Variants in LVRN observed in about 807,000 individuals in gnomAD.
LVRN encodes the protein aminopeptidase Q.
Under a neutral mutation model 111.4 loss-of-function variants are expected in LVRN, and 99 were observed. The ratio of observed to expected loss-of-function variants is 0.89; its 90% CI spans 0.76 to 1.05. LVRN has a LOEUF of 1.05. LVRN is among the 50% of genes least tolerant of loss of function. The probability of loss-of-function intolerance (pLI) is 0.00; values close to 1 mark genes in which losing one functional copy is unlikely to be tolerated. For missense variants in LVRN, 1,414 were observed against 1,206.8 expected, an observed-to-expected ratio of 1.17 and a Z score of -2.54; for synonymous variants, 488 against 449.5, an observed-to-expected ratio of 1.09 and a Z score of -1.08.
intron 19 of LVRN, among the ~76,000 whole-genome samples, chr5:116,023,102 C>G (rs1392172960): frequency 6.6e-6 from 1 of 152,170 alleles, no homozygotes; most frequent in Non-Finnish European, 1.5e-5. Flanking sequence ...GATCCTGCTC[C>G]TATTACCTAT....
intron 5 of LVRN, among the ~76,000 whole-genome samples, chr5:115,992,731 G>A (rs949648797): frequency 1.3e-5 from 2 of 152,180 alleles, no homozygotes; most frequent in African/African-American, 4.8e-5. Flanking sequence ...TAGCAAGGTG[G>A]CAATAATTAA....
intron 1 of LVRN, among the ~76,000 whole-genome samples, chr5:115,980,857 C>G (rs1295093016): frequency 6.6e-6 from 1 of 152,050 alleles, no homozygotes; most frequent in African/African-American, 2.4e-5. Flanking sequence ...CATGCATGAA[C>G]CTGGAAGGGG....
chr5:115,967,786 G>A (rs1486920956), intron 1 of LVRN, among the ~76,000 whole-genome samples: 1 of 152,036 alleles, frequency 6.6e-6, no homozygotes, highest in Non-Finnish European at 1.5e-5. Flanking sequence ...ATCATTTTTA[G>A]CATACAAATC....
At chr5:115,978,808 T>C (rs1753503323) in intron 1 of LVRN, among the ~76,000 whole-genome samples, 1 of 151,980 alleles carries the variant, frequency 6.6e-6, no homozygotes, top group Non-Finnish European at 1.5e-5. Context: ...TCCACGGGAG[T>C]CCATGGGGCT....
At chr5:115,964,436 T>G (rs1753159645) in intron 1 of LVRN, among the ~76,000 whole-genome samples, 1 of 152,238 alleles carries the variant, frequency 6.6e-6, no homozygotes. Context: ...GTGCTTGGTT[T>G]TTCTTTAAAA....
chr5:116,014,615 T>C lies in LVRN; in HGVS notation c.2450+88T>C, dbSNP rs142924721. 5.6e-6 allele frequency: 6 copies of C among 1,072,748 alleles called. No individual in the cohort carries two copies. In the African/African-American group the frequency reaches 8.0e-5, roughly 14 times the overall value. 66.5% of individuals were successfully genotyped at this position (1,072,748 alleles called of 1,614,324 possible). A position where few individuals can be genotyped will look rare whatever the true frequency, so the allele number is the denominator to read the frequency against. On this transcript the variant is annotated intron_variant, in intron 16 of 19. Coordinates refer to ENST00000357872, the MANE Select transcript of LVRN (RefSeq NM_173800.5). ...TTGATGTACTCACTGTGGGAATGAG[T>C]GTTTTGCTTTCACTTGGTTAGGCGC...
At position 115,968,310 on chromosome 5, in the gene LVRN, A is replaced by C. The variant is rs145927244; in HGVS notation, c.695+4998A>C. Among the ~76,000 whole-genome samples the C allele has an allele frequency of 4.8e-3, 738 of 152,214 alleles. 5 individuals are homozygous for C. The highest frequency in any genetic ancestry group is 6.8e-3 in the Middle Eastern group (2 of 294). ...GTTTCTTTTGCATGAATGCATGTTGAATTTTTCTAACACTTTTTCTGCATA... is the reference window on the plus strand; with the variant it reads ...GTTTCTTTTGCATGAATGCATGTTGCATTTTTCTAACACTTTTTCTGCATA... On this transcript the variant is annotated intron_variant, in intron 1 of 19. Transcript: ENST00000357872.
Position 115,983,441 on chromosome 5 carries a change from TTTCTGTCTA to T in LVRN, c.838+14_838+22del. On this transcript the variant is annotated intron_variant, in intron 2 of 19. Transcript: ENST00000357872. ...CATGCCAAAGCTAGGTAAGTAATGCTTTCTGTCTATATCTAGCTGTCTATCTATATAAGC... is the reference window on the plus strand; with the variant it reads ...CATGCCAAAGCTAGGTAAGTAATGCTTATCTAGCTGTCTATCTATATAAGC... 6.3e-7 allele frequency: 1 copy of T among 1,587,410 alleles called. No individual in the cohort carries two copies. The highest frequency in any genetic ancestry group is 1.2e-5 in the South Asian group (1 of 85,012).
At chr5:115,978,233 G>A (rs74396315) in intron 1 of LVRN, among the ~76,000 whole-genome samples, 47 of 152,298 alleles carry the variant, frequency 3.1e-4, no homozygotes, top group Non-Finnish European at 5.3e-4. Context: ...GACACATGAT[G>A]CTGGTGTCAC....
rs148206758 is a variant in LVRN at position 115,984,810 on chromosome 5, C to T, written c.978+101C>T. The stretch of plus-strand genomic sequence containing the variant: ...TGGTTATGGCTGCATATCCCCAAAT[C>T]GCTTCCTAGTTCTCTCTCCCAAGCC... On this transcript the variant is annotated intron_variant, in intron 3 of 19. Coordinates refer to ENST00000357872, the MANE Select transcript of LVRN (RefSeq NM_173800.5). 1,371 of 1,471,322 alleles carry T rather than the reference C, an allele frequency of 9.3e-4. 1 individual carries two copies. The highest frequency in any genetic ancestry group is 1.2e-3 in the Non-Finnish European group (1,287 of 1,089,444). 91.1% of individuals were successfully genotyped at this position (1,471,322 alleles called of 1,614,324 possible).
chr5:115,999,076 T>C (rs1166347473), intron 6 of LVRN, among the ~76,000 whole-genome samples: 3 of 152,182 alleles, frequency 2.0e-5, no homozygotes, highest in Non-Finnish European at 2.9e-5. Flanking sequence ...CGTGTGCCGG[T>C]ATAACTTCTC....
At chr5:115,982,407 G>A (rs185891608) in intron 1 of LVRN, among the ~76,000 whole-genome samples, 2 of 152,266 alleles carry the variant, frequency 1.3e-5, no homozygotes, top group East Asian at 3.9e-4. Context: ...GAGACTTTAA[G>A]TCTCAGGATC....
chr5:116,022,589 G>T (rs1748753916), intron 19 of LVRN, 123 bp downstream of exon 19: 5 of 675,458 alleles, frequency 7.4e-6, no homozygotes. Flanking sequence ...GCTTCTATTG[G>T]TGCTGTATCA....
chr5:115,971,498 G>A (rs1299081491), intron 1 of LVRN, among the ~76,000 whole-genome samples: 4 of 152,042 alleles, frequency 2.6e-5, no homozygotes, highest in Non-Finnish European at 5.9e-5. Context: ...TTTGCATATG[G>A]TGTGAGGTAT....
In LVRN at chr5:116,026,195, G is replaced by A. The variant is rs901273421; in HGVS notation, c.*77G>A. The A allele has an allele frequency of 1.9e-6, 3 of 1,573,056 alleles. No homozygotes were observed. The highest frequency in any genetic ancestry group is 1.8e-5 in the Admixed American group (1 of 55,508). ...ACAGTTTTGTCTTCCAATACTTTGTGAGTCTGGAAAACCACACATTTTATT... is the reference window on the plus strand; with the variant it reads ...ACAGTTTTGTCTTCCAATACTTTGTAAGTCTGGAAAACCACACATTTTATT... On this transcript the variant is annotated 3_prime_UTR_variant, in exon 20 of 20. Coordinates refer to ENST00000357872, the MANE Select transcript of LVRN (RefSeq NM_173800.5).
intron 14 of LVRN, 84 bp downstream of exon 14, chr5:116,010,978 C>T: frequency 1.0e-6 from 1 of 980,948 alleles, no homozygotes; most frequent in Non-Finnish European, 1.3e-6. Flanking sequence ...TGAGACAGGT[C>T]TTTTCCAAAG....
chr5:115,965,528 C>T (rs901891506), intron 1 of LVRN, among the ~76,000 whole-genome samples: 8 of 152,064 alleles, frequency 5.3e-5, no homozygotes, highest in African/African-American at 1.7e-4. Context: ...GAAATTTATA[C>T]GTTTTGACGA....
At position 115,962,929 on chromosome 5, in the gene LVRN, G is replaced by T; in HGVS notation, c.312G>T (p.Pro104=). ...TACGCCTGCCGCCCTGGCTCGTGCC[G>T]CTGCACTACGATCTGGAGCTGTGGC... ...DQLRLPPWLV[P]LHYDLELWPQ... The change falls in exon 1 of 20, where the codon CCG becomes CCT. Residue 104 remains proline, a synonymous_variant. Coordinates refer to ENST00000357872, the MANE Select transcript of LVRN (RefSeq NM_173800.5). The T allele has an allele frequency of 6.2e-7, 1 of 1,612,948 alleles. No individual in the cohort carries two copies. The highest frequency in any genetic ancestry group is 1.1e-5 in the South Asian group (1 of 91,032).
intron 1 of LVRN, among the ~76,000 whole-genome samples, chr5:115,973,245 A>ATGC (rs1753365090): frequency 6.6e-6 from 1 of 152,182 alleles, no homozygotes; most frequent in African/African-American, 2.4e-5. Context: ...TGAATTCTTG[A>ATGC]AATAAATTCC....
Sources: gnomAD v4.1 joint callset for allele counts (sites outside exome capture counted in the v4.1 genomes callset) on GRCh38, gnomAD v4.1.1 for gene constraint, MANE v1.5 for transcripts, NCBI Gene and HGNC (gene_info 2026-07-23, HGNC 2026-07-21) for gene names.